Variants in CSMD3 observed in about 807,000 individuals in gnomAD.
CSMD3 encodes the protein CUB and sushi domain-containing protein 3.
CSMD3 carries 177 observed loss-of-function variants against 435.2 expected under a neutral mutation model. That is an observed-to-expected ratio of 0.41 (90% CI 0.36 to 0.46). CSMD3 has a LOEUF of 0.46. Ranked by LOEUF, CSMD3 falls within the 20% of genes least tolerant of loss-of-function variation. The pLI is 0.34. For synonymous variants in CSMD3, 1,656 were observed against 1,520.5 expected (o/e 1.09, Z -2.07); for missense variants, 4,265 against 4,504.6 (o/e 0.95, Z 1.52).
chr8:112,368,862 C>T (rs1828042137), intron 38 of CSMD3, among the ~76,000 whole-genome samples: 1 of 152,034 alleles, frequency 6.6e-6, no homozygotes, highest in Non-Finnish European at 1.5e-5. Flanking sequence ...GTATCTGCCT[C>T]ACAGTAATTT....
intron 3 of CSMD3, among the ~76,000 whole-genome samples, chr8:113,229,266 A>G (rs2093059649): frequency 6.6e-6 from 1 of 151,630 alleles, no homozygotes; most frequent in African/African-American, 2.4e-5. Context: ...TATATCTCAC[A>G]TGTTGTTTAT....
Position 113,152,879 on chromosome 8 carries a change from A to C in CSMD3, c.709+20843T>G, listed in dbSNP as rs991287283. On this transcript the variant is annotated intron_variant, in intron 4 of 70. Transcript: ENST00000297405. The stretch of plus-strand genomic sequence containing the variant: ...CCAGCTACTCAGGAGGCTGAGGCAT[A>C]AGAGTCATTTGAACCCAGGAGGCAG... Among the ~76,000 whole-genome samples, 4 of 151,602 alleles carry C rather than the reference A, an allele frequency of 2.6e-5. No individual in the cohort carries two copies. In the East Asian group the frequency reaches 7.8e-4, roughly 30 times the overall value.
chr8:112,609,821 T>C (rs1012302152), intron 22 of CSMD3, among the ~76,000 whole-genome samples: 3 of 152,116 alleles, frequency 2.0e-5, no homozygotes, highest in Admixed American at 1.3e-4. Context: ...TATTATTCAA[T>C]ATGGAATATT....
chr8:112,330,614 G>A (rs963774448), intron 45 of CSMD3, among the ~76,000 whole-genome samples: 17 of 152,082 alleles, frequency 1.1e-4, no homozygotes, highest in Non-Finnish European at 2.4e-4. Context: ...ACATTGAGCT[G>A]TGATAAATCT....
chr8:113,036,154 T>C (rs1446219898), intron 5 of CSMD3, among the ~76,000 whole-genome samples: 2 of 152,020 alleles, frequency 1.3e-5, no homozygotes, highest in Non-Finnish European at 2.9e-5. Context: ...ATAAAATTAA[T>C]ATCTATGTTG....
chr8:113,059,253 C>T (rs1331931586), intron 5 of CSMD3, among the ~76,000 whole-genome samples: 8 of 152,110 alleles, frequency 5.3e-5, no homozygotes, highest in Non-Finnish European at 1.0e-4. Flanking sequence ...CCCATCACTG[C>T]ATGAAACAAA....
chr8:112,721,471 G>C (rs943549958), intron 13 of CSMD3, among the ~76,000 whole-genome samples: 1 of 152,130 alleles, frequency 6.6e-6, no homozygotes, highest in African/African-American at 2.4e-5. Flanking sequence ...AGCTACTCAG[G>C]AGGCTGAGGC....
chr8:112,887,580 T>C (rs2130287598), intron 10 of CSMD3, among the ~76,000 whole-genome samples: 2 of 151,716 alleles, frequency 1.3e-5, no homozygotes, highest in Middle Eastern at 6.8e-3. Context: ...AATTCCCTGG[T>C]CCTTTAAGAG....
At chr8:112,947,263 T>A (rs2083643386) in intron 9 of CSMD3, among the ~76,000 whole-genome samples, 1 of 151,786 alleles carries the variant, frequency 6.6e-6, no homozygotes, top group South Asian at 2.1e-4. Flanking sequence ...GTTGTTTAAC[T>A]TAATTTTAAA....
chr8:113,124,549 A>G (rs1426484082), intron 4 of CSMD3, among the ~76,000 whole-genome samples: 1 of 151,970 alleles, frequency 6.6e-6, no homozygotes, highest in Non-Finnish European at 1.5e-5. Flanking sequence ...ATTCATAATT[A>G]TCTGCCAAGA....
At chr8:112,286,490 T>G (rs1488604690) in intron 58 of CSMD3, among the ~76,000 whole-genome samples, 1 of 151,774 alleles carries the variant, frequency 6.6e-6, no homozygotes, top group African/African-American at 2.4e-5. Flanking sequence ...CTGCCTTAGT[T>G]ATCAGATCAA....
Position 112,517,177 on chromosome 8 carries a change from G to T in CSMD3, c.4613C>A (p.Thr1538Asn). Residue 1538 changes from threonine (T) to asparagine (N), a missense_variant, in exon 28 of 71, where the codon ACT becomes AAT. Physicochemically the swap from Thr to Asn is moderately conservative, Grantham distance 65 (BLOSUM62 0). Transcript: ENST00000297405. ...AGGTTCTCTTCCATCCCCATTTCGA[G>T]TCCCATTCATGGGGACCCCTGGGTC... ...CRDPGVPMNG[T>N]RNGDGREPGD... 6.2e-7 allele frequency: 1 copy of T among 1,613,586 alleles called. No homozygotes were observed. The highest frequency in any genetic ancestry group is 8.5e-7 in the Non-Finnish European group (1 of 1,179,854).
chr8:113,170,926 C>A (rs72685899), intron 4 of CSMD3, among the ~76,000 whole-genome samples: 14,546 of 151,316 alleles, frequency 0.096, 897 homozygotes, highest in Middle Eastern at 0.17. Flanking sequence ...GTGGTCAAAT[C>A]TTGCTGGGAC....
chr8:112,666,051 G>T (rs533506426), intron 17 of CSMD3, among the ~76,000 whole-genome samples: 232 of 152,166 alleles, frequency 1.5e-3, no homozygotes, highest in African/African-American at 5.4e-3. Context: ...AAGCAAAAAG[G>T]TCGATCTTGC....
At chr8:112,315,649 A>T (rs550931627) in intron 47 of CSMD3, among the ~76,000 whole-genome samples, 45 of 151,952 alleles carry the variant, frequency 3.0e-4, no homozygotes, top group Non-Finnish European at 6.0e-4. Flanking sequence ...TCTTACGAAC[A>T]TAATTGCTAA....
chr8:112,915,786 G>T (rs2082555298), intron 10 of CSMD3, among the ~76,000 whole-genome samples: 1 of 151,500 alleles, frequency 6.6e-6, no homozygotes, highest in South Asian at 2.1e-4. Context: ...AAAACATAAT[G>T]CAATAAAAAT....
intron 1 of CSMD3, among the ~76,000 whole-genome samples, chr8:113,402,487 C>G (rs2094514705): frequency 6.6e-6 from 1 of 151,350 alleles, no homozygotes; most frequent in Non-Finnish European, 1.5e-5. Flanking sequence ...AAGGGTATAT[C>G]TGTACCTTCT....
chr8:112,767,834 C>T (rs188841452), intron 13 of CSMD3, among the ~76,000 whole-genome samples: 2 of 151,856 alleles, frequency 1.3e-5, no homozygotes, highest in South Asian at 2.1e-4. Flanking sequence ...TATTTACAAG[C>T]CCCTTTCCCT....
intron 45 of CSMD3, among the ~76,000 whole-genome samples, chr8:112,324,407 T>C (rs1266242075): frequency 6.6e-6 from 1 of 152,128 alleles, no homozygotes; most frequent in Non-Finnish European, 1.5e-5. Context: ...TAGTTGTTTA[T>C]TAAATAAGTT....
Sources: allele counts gnomAD v4.1 joint callset (sites outside exome capture counted in the v4.1 genomes callset), GRCh38; gene constraint gnomAD v4.1.1; transcripts MANE v1.5; gene names NCBI Gene and HGNC (gene_info 2026-07-23, HGNC 2026-07-21).